AGBL1: variants seen among roughly 807,000 people sequenced by gnomAD.
AGBL1 encodes cytosolic carboxypeptidase 4.
Under a neutral mutation model 118.9 loss-of-function variants are expected in AGBL1, and 130 were observed. The ratio of observed to expected loss-of-function variants is 1.09; its 90% CI spans 0.95 to 1.26. The LOEUF (loss-of-function observed/expected upper bound fraction) is 1.26. Among genes scored for constraint, AGBL1 ranks in the 50% most tolerant of loss-of-function variants. The pLI, the probability that AGBL1 is intolerant of heterozygous loss-of-function variation, is 0.00. For synonymous variants in AGBL1, 555 were observed against 478.9 expected, an observed-to-expected ratio of 1.16 and a Z score of -2.08; for missense variants, 1,584 against 1,298.1, an observed-to-expected ratio of 1.22 and a Z score of -3.38.
At chr15:86,091,139 G>A (rs1056477936) in intron 1 of AGBL1, among the ~76,000 whole-genome samples, 1 of 152,148 alleles carries the variant, frequency 6.6e-6, no homozygotes, top group Non-Finnish European at 1.5e-5. Flanking sequence ...ATCAGTGCTA[G>A]GAGATTTGCC....
rs1157674222 is a variant in AGBL1 at position 86,636,702 on chromosome 15, CATATATATATATATAT to C, written c.2995-37529_2995-37514del. Among the ~76,000 whole-genome samples the C allele has an allele frequency of 6.0e-3, 160 of 26,728 alleles. 1 individual carries two copies. The highest frequency in any genetic ancestry group is 0.021 in the Middle Eastern group (1 of 48). 17.5% of individuals were successfully genotyped at this position (26,728 alleles called of 152,430 possible). On this transcript the variant is annotated intron_variant, in intron 21 of 22. Transcript: ENST00000614907. ...TACAGCTTTGCATGGAACCACCAGTCATATATATATATATATATATATATATATATATATATATATA... is the reference window on the plus strand; with the variant it reads ...TACAGCTTTGCATGGAACCACCAGTCATATATATATATATATATATATATA...
chr15:86,468,272 C>A (rs2082432347), intron 18 of AGBL1, among the ~76,000 whole-genome samples: 1 of 152,112 alleles, frequency 6.6e-6, no homozygotes, highest in African/African-American at 2.4e-5. Context: ...TAAATTGGAT[C>A]TTTAGGCAAA....
At chr15:86,399,203 C>G (rs1010456137) in intron 18 of AGBL1, among the ~76,000 whole-genome samples, 23 of 152,132 alleles carry the variant, frequency 1.5e-4, no homozygotes, top group African/African-American at 5.3e-4. Flanking sequence ...AGTGTTCGCT[C>G]CTGGTCAAAC....
chr15:86,222,960 A>G (rs2078302772), intron 5 of AGBL1, among the ~76,000 whole-genome samples: 1 of 152,160 alleles, frequency 6.6e-6, no homozygotes, highest in Non-Finnish European at 1.5e-5. Context: ...AAAGATTCTT[A>G]TTCAGCAGGC....
chr15:86,480,667 G>C (rs934064850), intron 18 of AGBL1, among the ~76,000 whole-genome samples: 1 of 151,950 alleles, frequency 6.6e-6, no homozygotes. Context: ...ATATACATAT[G>C]AGAGGGAAGA....
At chr15:86,244,072 T>TAAATAAAC (rs1225381887) in intron 6 of AGBL1, among the ~76,000 whole-genome samples, 1 of 147,972 alleles carries the variant, frequency 6.8e-6, no homozygotes, top group Non-Finnish European at 1.5e-5. Flanking sequence ...AGTAAATAAA[T>TAAATAAAC]AAATAAATAA....
intron 22 of AGBL1, among the ~76,000 whole-genome samples, chr15:86,702,573 C>A (rs1161032449): frequency 6.6e-6 from 1 of 152,202 alleles, no homozygotes; most frequent in Non-Finnish European, 1.5e-5. Context: ...TCCATAGGAA[C>A]TACTTTCAAC....
intron 23 of AGBL1, among the ~76,000 whole-genome samples, chr15:86,927,402 A>C (rs1279094625): frequency 6.9e-6 from 1 of 144,280 alleles, no homozygotes; most frequent in Non-Finnish European, 1.5e-5. Flanking sequence ...CAGCCTGGGC[A>C]ATAAAGGGAG....
intron 21 of AGBL1, among the ~76,000 whole-genome samples, chr15:86,656,906 A>G (rs1346867655): frequency 1.3e-5 from 2 of 152,200 alleles, no homozygotes; most frequent in Non-Finnish European, 2.9e-5. Flanking sequence ...AACTGAGAGT[A>G]GTTTTCATGT....
chr15:86,856,241 C>T (rs1199449066), intron 22 of AGBL1, among the ~76,000 whole-genome samples: 2 of 152,180 alleles, frequency 1.3e-5, no homozygotes, highest in African/African-American at 4.8e-5. Context: ...GAGATGTTAT[C>T]TGTGAGTTTT....
intron 1 of AGBL1, among the ~76,000 whole-genome samples, chr15:86,084,815 C>G (rs2141442470): frequency 6.7e-6 from 1 of 149,774 alleles, no homozygotes; most frequent in South Asian, 2.2e-4. Flanking sequence ...TGTATATTCA[C>G]TCATCCACCC....
At chr15:86,825,887 GGATAGATAGATAGATAGATA>G (rs61494287) in intron 22 of AGBL1, among the ~76,000 whole-genome samples, 29,905 of 144,132 alleles carry the variant, frequency 0.21, 3,449 homozygotes, top group Admixed American at 0.27. Flanking sequence ...ATAGATGGAT[GGATAGATAGATAGATAGATA>G]GATAGATAGA....
chr15:86,854,366 G>C (rs535578969), intron 22 of AGBL1, among the ~76,000 whole-genome samples: 29 of 152,218 alleles, frequency 1.9e-4, no homozygotes, highest in Non-Finnish European at 3.1e-4. Flanking sequence ...GGAGATGCAT[G>C]GTGTCCTTTC....
intron 22 of AGBL1, among the ~76,000 whole-genome samples, chr15:86,749,940 A>T (rs2077820295): frequency 1.3e-5 from 2 of 152,114 alleles, no homozygotes; most frequent in Admixed American, 1.3e-4. Context: ...TTTTGCAACG[A>T]TATTCATCAG....
chr15:86,750,712 T>A (rs2077836915), intron 22 of AGBL1, among the ~76,000 whole-genome samples: 1 of 152,100 alleles, frequency 6.6e-6, no homozygotes, highest in Non-Finnish European at 1.5e-5. Flanking sequence ...CATGGGCATT[T>A]GTTGTACAGA....
chr15:86,210,009 G>C (rs886071423), intron 5 of AGBL1, among the ~76,000 whole-genome samples: 1 of 152,132 alleles, frequency 6.6e-6, no homozygotes, highest in Non-Finnish European at 1.5e-5. Flanking sequence ...AGGCAGGCCT[G>C]GTGGTGACAA....
chr15:86,902,737 C>G (rs991996971), intron 22 of AGBL1, among the ~76,000 whole-genome samples: 1 of 152,116 alleles, frequency 6.6e-6, no homozygotes, highest in Non-Finnish European at 1.5e-5. Context: ...CCATTTTCTT[C>G]TGGCCTCTAT....
intron 18 of AGBL1, among the ~76,000 whole-genome samples, chr15:86,463,971 T>G (rs145732436): frequency 6.6e-6 from 1 of 152,314 alleles, no homozygotes; most frequent in African/African-American, 2.4e-5. Flanking sequence ...TTTCTGATTC[T>G]ATAAAGAAGG....
chr15:86,453,586 C>T (rs571216161), intron 18 of AGBL1, among the ~76,000 whole-genome samples: 12 of 152,330 alleles, frequency 7.9e-5, no homozygotes, highest in African/African-American at 2.4e-4. Flanking sequence ...TTTACTGCTG[C>T]AGTTACCAGC....
Sources: gnomAD v4.1 joint callset for allele counts (sites outside exome capture counted in the v4.1 genomes callset) on GRCh38, gnomAD v4.1.1 for gene constraint, MANE v1.5 for transcripts, NCBI Gene and HGNC (gene_info 2026-07-23, HGNC 2026-07-21) for gene names.